The following CLVS1 variants were observed in gnomAD, a reference collection of about 807,000 sequenced individuals.
The protein encoded by CLVS1 is clavesin-1.
In CLVS1, 10 loss-of-function variants were observed where a neutral mutation model predicts 33.1. The ratio of observed to expected loss-of-function variants is 0.30; its 90% CI spans 0.19 to 0.51. The LOEUF (loss-of-function observed/expected upper bound fraction) is 0.51. CLVS1 is among the 20% of genes least tolerant of loss of function. The pLI, the probability that CLVS1 is intolerant of heterozygous loss-of-function variation, is 0.97. For missense variants in CLVS1, 343 were observed against 433.4 expected (o/e 0.79, Z 1.85); for synonymous variants, 163 against 166.1 (o/e 0.98, Z 0.14).
At chr8:61,102,584 T>C (rs1805469996) in intron 1 of CLVS1, among the ~76,000 whole-genome samples, 1 of 152,196 alleles carries the variant, frequency 6.6e-6, no homozygotes, top group South Asian at 2.1e-4. Flanking sequence ...TGGCTGCCTA[T>C]TATTTTGTGT....
At chr8:61,306,324 A>AT (rs1810625375) in intron 2 of CLVS1, among the ~76,000 whole-genome samples, 1 of 152,180 alleles carries the variant, frequency 6.6e-6, no homozygotes, top group African/African-American at 2.4e-5. Flanking sequence ...TGTTGGCCAC[A>AT]TAAATGTCTT....
the CLVS1 span, among the ~76,000 whole-genome samples, chr8:60,989,020 A>G: frequency 2.6e-5 from 4 of 152,218 alleles, no homozygotes; most frequent in African/African-American, 9.6e-5. Flanking sequence ...GTGGGCCACC[A>G]TGCCAGCTAA....
chr8:61,308,590 A>G (rs1451487534), intron 2 of CLVS1, among the ~76,000 whole-genome samples: 1 of 152,138 alleles, frequency 6.6e-6, no homozygotes, highest in Non-Finnish European at 1.5e-5. Context: ...AATGCTTAGC[A>G]TCCCCTCTTC....
chr8:60,987,817 A>T, the CLVS1 span, among the ~76,000 whole-genome samples: 7 of 152,146 alleles, frequency 4.6e-5, no homozygotes, highest in Admixed American at 3.3e-4. Flanking sequence ...CTGTAGTCCC[A>T]GCTACTCAGA....
intron 2 of CLVS1, among the ~76,000 whole-genome samples, chr8:61,139,497 A>G (rs1162503203): frequency 6.6e-6 from 1 of 152,190 alleles, no homozygotes; most frequent in East Asian, 1.9e-4. Flanking sequence ...GGACCTCCCC[A>G]GGGCAGAAAG....
chr8:61,461,363 A>G (rs537543483), intron 5 of CLVS1, among the ~76,000 whole-genome samples: 128 of 152,260 alleles, frequency 8.4e-4, no homozygotes, highest in African/African-American at 3.0e-3. Flanking sequence ...TCTTGCTTCA[A>G]TTTTAGCAGA....
At chr8:60,975,169 C>G in the CLVS1 span, among the ~76,000 whole-genome samples, 3 of 152,098 alleles carry the variant, frequency 2.0e-5, no homozygotes, top group Non-Finnish European at 4.4e-5. Context: ...GAGAAAAAAG[C>G]ACAGGATTTA....
chr8:61,023,772 C>T, the CLVS1 span, among the ~76,000 whole-genome samples: 1 of 152,086 alleles, frequency 6.6e-6, no homozygotes, highest in Non-Finnish European at 1.5e-5. Context: ...GACGGCCCAG[C>T]GCGCTGGCCC....
At chr8:61,484,212 ATC>A (rs1803779361) in intron 5 of CLVS1, among the ~76,000 whole-genome samples, 1 of 152,206 alleles carries the variant, frequency 6.6e-6, no homozygotes, top group Admixed American at 6.5e-5. Context: ...TCAGCCCTAA[ATC>A]TCCTTAAGTT....
the CLVS1 span, among the ~76,000 whole-genome samples, chr8:61,039,630 C>T: frequency 2.0e-5 from 3 of 152,128 alleles, no homozygotes; most frequent in East Asian, 1.9e-4. Context: ...GCAGCCTCCA[C>T]CTCCTGCTCA....
intron 3 of CLVS1, among the ~76,000 whole-genome samples, chr8:61,424,925 G>A (rs1291149026): frequency 2.0e-5 from 3 of 152,128 alleles, no homozygotes; most frequent in Non-Finnish European, 4.4e-5. Flanking sequence ...TATCCACAAG[G>A]ATATTAAGAA....
At chr8:61,293,691 GT>G (rs1480238381) in intron 1 of CLVS1, among the ~76,000 whole-genome samples, 1 of 152,090 alleles carries the variant, frequency 6.6e-6, no homozygotes. Context: ...TTTGAAGTAA[GT>G]TTTTAGCAAG....
intron 2 of CLVS1, among the ~76,000 whole-genome samples, chr8:61,190,758 A>G (rs1807454299): frequency 6.6e-6 from 1 of 152,260 alleles, no homozygotes; most frequent in Non-Finnish European, 1.5e-5. Context: ...CTATGCAAAT[A>G]AACTAGAAAA....
chr8:61,045,879 T>G, the CLVS1 span, among the ~76,000 whole-genome samples: 1 of 152,242 alleles, frequency 6.6e-6, no homozygotes, highest in Non-Finnish European at 1.5e-5. Flanking sequence ...CTATAGATTC[T>G]GGATATTAGC....
intron 2 of CLVS1, among the ~76,000 whole-genome samples, chr8:61,275,057 TA>T (rs1809535529): frequency 1.3e-5 from 2 of 152,000 alleles, no homozygotes; most frequent in African/African-American, 4.8e-5. Context: ...AGCCAAAAAT[TA>T]AAAAAAGAAA....
chr8:61,328,786 T>C (rs1463999868), intron 2 of CLVS1, among the ~76,000 whole-genome samples: 2 of 152,074 alleles, frequency 1.3e-5, no homozygotes, highest in Admixed American at 1.3e-4. Flanking sequence ...CAAAGATTTG[T>C]CTTTTGTTAT....
the CLVS1 span, among the ~76,000 whole-genome samples, chr8:60,990,763 C>T: frequency 1.3e-5 from 2 of 150,314 alleles, no homozygotes; most frequent in African/African-American, 4.9e-5. Context: ...GACTGGAGTG[C>T]AGTGGCATAA....
At chr8:61,043,536 T>C in the CLVS1 span, among the ~76,000 whole-genome samples, 1 of 152,232 alleles carries the variant, frequency 6.6e-6, no homozygotes, top group African/African-American at 2.4e-5. Context: ...CTAGGGCAGA[T>C]TATCACAGCC....
intron 2 of CLVS1, among the ~76,000 whole-genome samples, chr8:61,347,215 C>A (rs1049184961): frequency 9.9e-5 from 15 of 152,118 alleles, no homozygotes; most frequent in African/African-American, 2.4e-5. Flanking sequence ...AGCATCTCAG[C>A]AGTTTTGTCT....
Sources: gnomAD v4.1 joint callset for allele counts (sites outside exome capture counted in the v4.1 genomes callset) on GRCh38, gnomAD v4.1.1 for gene constraint, MANE v1.5 for transcripts, NCBI Gene and HGNC (gene_info 2026-07-23, HGNC 2026-07-21) for gene names.